CDH26: variants seen among roughly 807,000 people sequenced by gnomAD.
The protein encoded by CDH26 is cadherin-like protein 26.
In CDH26, 83 loss-of-function variants were observed where a neutral mutation model predicts 90.3. That is an observed-to-expected ratio of 0.92 (90% CI 0.77 to 1.10). The LOEUF (loss-of-function observed/expected upper bound fraction) is 1.10. Ranked by LOEUF, CDH26 falls within the 50% of genes least tolerant of loss-of-function variation. The pLI, the probability that CDH26 is intolerant of heterozygous loss-of-function variation, is 0.00. For missense variants in CDH26, 1,013 were observed against 1,037.6 expected (o/e 0.98, Z 0.33); for synonymous variants, 397 against 396.3 (o/e 1.00, Z -0.02).
intron 1 of CDH26, among the ~76,000 whole-genome samples, chr20:59,959,966 G>T (rs900803515): frequency 6.6e-6 from 1 of 152,230 alleles, no homozygotes; most frequent in African/African-American, 2.4e-5. Context: ...TGTAGGTAGG[G>T]AGAGGGAATC....
In CDH26 at chr20:59,994,329, A is replaced by G; in HGVS notation, c.1506A>G (p.Pro502=). 2 of 1,613,768 alleles carry G rather than the reference A, an allele frequency of 1.2e-6. No homozygotes were observed. The highest frequency in any genetic ancestry group is 1.7e-6 in the Non-Finnish European group (2 of 1,179,988). ...DINDNVPTLR[P]RSRYMEVCES... ...ATGACAACGTCCCGACTCTCCGGCCACGTTCCCGCTACATGGAGGTCTGTG... is the reference window on the plus strand; with the variant it reads ...ATGACAACGTCCCGACTCTCCGGCCGCGTTCCCGCTACATGGAGGTCTGTG... Residue 502 remains proline, a synonymous_variant, in exon 11 of 18, where the codon CCA becomes CCG. Transcript: ENST00000348616.
intron 2 of CDH26, among the ~76,000 whole-genome samples, chr20:59,969,872 G>A (rs571895829): frequency 2.0e-5 from 3 of 152,176 alleles, no homozygotes; most frequent in South Asian, 2.1e-4. Context: ...TCAAATCATC[G>A]GACAGCATCC....
rs1169975921 is a variant in CDH26, at chr20:59,972,141, T to C, written c.393+18T>C. 1 of 1,607,788 alleles carries C rather than the reference T, an allele frequency of 6.2e-7. No individual in the cohort carries two copies. Among genetic ancestry groups the C allele is most frequent in the East Asian group, 2.2e-5 (1 of 44,796 alleles). On this transcript the variant is annotated intron_variant, in intron 4 of 17. Transcript: ENST00000348616. ...CTTTCACGGTATCTAAAACTTGATA[T>C]ATTCTAAGCTCGGATTTAAAAGCTC...
chr20:60,013,726 T>C lies in CDH26; in HGVS notation c.*996T>C, dbSNP rs1244215567. The C allele has an allele frequency of 6.6e-6, 1 of 152,200 alleles. No individual in the cohort carries two copies. The highest frequency in any genetic ancestry group is 1.5e-5 in the Non-Finnish European group (1 of 68,032). The allele number at this position is 152,200 out of a possible 1,614,324, so 9.4% of individuals were successfully genotyped here. ...AAATCAGTAGAAACATGTTTGCTGGTGAATCAGTGAAGCATTATGTTAAAC... is the reference window on the plus strand; with the variant it reads ...AAATCAGTAGAAACATGTTTGCTGGCGAATCAGTGAAGCATTATGTTAAAC... On this transcript the variant is annotated 3_prime_UTR_variant, in exon 18 of 18. Transcript: ENST00000348616.
rs934172691 is a variant in CDH26 at position 60,002,748 on chromosome 20, T to C, written c.2167-65T>C. 9 of 1,282,946 alleles carry C rather than the reference T, an allele frequency of 7.0e-6. No homozygotes were observed. In the Middle Eastern group the frequency reaches 8.0e-4, roughly 113 times the overall value. 79.5% of individuals were successfully genotyped at this position (1,282,946 alleles called of 1,614,324 possible). A position where few individuals can be genotyped will look rare whatever the true frequency, so the allele number is the denominator to read the frequency against. ...AAGGCAATATGACTGCAAGAATTTC[T>C]AGTTATGTATTTGCATCCTTTGGTA... On this transcript the variant is annotated intron_variant, in intron 15 of 17. Transcript: ENST00000348616.
At chr20:59,963,287 G>A (rs1321911436) in intron 1 of CDH26, among the ~76,000 whole-genome samples, 1 of 127,954 alleles carries the variant, frequency 7.8e-6, no homozygotes, top group Admixed American at 9.8e-5. Context: ...GTCTCACTCT[G>A]CTGCCCAGGC....
chr20:59,960,012 C>A (rs886620141), intron 1 of CDH26, among the ~76,000 whole-genome samples: 18 of 152,202 alleles, frequency 1.2e-4, no homozygotes, highest in African/African-American at 4.3e-4. Context: ...GGGTGGGAAG[C>A]AGCCCAGTGG....
At chr20:59,985,573 C>T (rs1469760780) in intron 7 of CDH26, among the ~76,000 whole-genome samples, 4 of 152,176 alleles carry the variant, frequency 2.6e-5, no homozygotes, top group East Asian at 1.9e-4. Context: ...ATCTGCCCCA[C>T]GATCCAAACA....
chr20:59,982,363 A>G (rs568818804), intron 4 of CDH26, among the ~76,000 whole-genome samples: 1 of 152,224 alleles, frequency 6.6e-6, no homozygotes, highest in African/African-American at 2.4e-5. Context: ...GGAAGCTTAA[A>G]CAATTGATTT....
At position 59,992,471 on chromosome 20, in the gene CDH26, T is replaced by A. The variant is rs1569044047; in HGVS notation, c.1377T>A (p.Pro459=). The change falls in exon 10 of 18, where the codon CCT becomes CCA. Residue 459 remains proline (P), a synonymous_variant. Transcript: ENST00000348616. The surrounding 1 kb of genome is among the most constrained non-coding windows in gnomAD (Gnocchi z 5.0). ...TGGAGCCAATTGACCGAGAATCCCCTCATGTAAATAACAGTTTTTATGTAA... is the reference window on the plus strand; with the variant it reads ...TGGAGCCAATTGACCGAGAATCCCCACATGTAAATAACAGTTTTTATGTAA... ...ITVEPIDRES[P]HVNNSFYVII... is the part of the protein sequence containing the mutation. The A allele has an allele frequency of 6.2e-7, 1 of 1,614,130 alleles. No individual in the cohort carries two copies. The highest frequency in any genetic ancestry group is 1.7e-5 in the Admixed American group (1 of 60,014).
chr20:59,979,383 G>T (rs1290354191), intron 4 of CDH26, among the ~76,000 whole-genome samples: 1 of 151,662 alleles, frequency 6.6e-6, no homozygotes, highest in East Asian at 1.9e-4. Context: ...TGTTTTAGTA[G>T]AGATAGGGTT....
At chr20:60,019,950 G>A (rs1279500206) in intron 7 of CDH26, among the ~76,000 whole-genome samples, 2 of 152,118 alleles carry the variant, frequency 1.3e-5, no homozygotes, top group African/African-American at 4.8e-5. Context: ...TAGTCTCTAT[G>A]TAGTGTCTTC....
Position 60,012,971 on chromosome 20 carries a change from AC to A in CDH26, c.*242del, listed in dbSNP as rs1384302102. On this transcript the variant is annotated 3_prime_UTR_variant, in exon 18 of 18. Transcript: ENST00000348616. Reference sequence around the variant, plus strand: ...TTGATTTGTCATATTTTCTAGAGAAACTTGAATTTAATTGTGTTATTCTTAG... The same window carrying A: ...TTGATTTGTCATATTTTCTAGAGAAATTGAATTTAATTGTGTTATTCTTAG... 7 of 423,972 alleles carry A rather than the reference AC, an allele frequency of 1.7e-5. No individual in the cohort carries two copies. Among genetic ancestry groups the A allele is most frequent in the African/African-American group, 1.4e-4 (7 of 49,190 alleles). The allele number at this position is 423,972 out of a possible 1,614,324, so 26.3% of individuals were successfully genotyped here.
intron 7 of CDH26, among the ~76,000 whole-genome samples, chr20:60,029,925 A>G (rs573899265): frequency 6.6e-6 from 1 of 152,132 alleles, no homozygotes; most frequent in South Asian, 2.1e-4. Flanking sequence ...AAATAAATAA[A>G]TGAATAAATG....
downstream of CDH26, among the ~76,000 whole-genome samples, chr20:60,015,467 A>G (rs1009195340): frequency 2.6e-5 from 4 of 152,136 alleles, no homozygotes; most frequent in African/African-American, 9.7e-5. Flanking sequence ...CCATTTTAAA[A>G]TTGGATTCTT....
intron 15 of CDH26, 39 bp downstream of exon 15, chr20:60,001,450 A>G (rs754443472): frequency 1.2e-6 from 2 of 1,607,990 alleles, no homozygotes; most frequent in Non-Finnish European, 1.7e-6. Context: ...CGGCCATCTC[A>G]CTAGTGACTA....
chr20:59,992,325 T>C lies in CDH26; in HGVS notation c.1284-53T>C. ...TGTTTTTTTATGCAACTTTTTTATC[T>C]TTTAATGTAAGTTTTTAATTTTAAA... On this transcript the variant is annotated intron_variant, in intron 9 of 17. Transcript: ENST00000348616. This position sits in a 1 kb window ranked among gnomAD's most constrained non-coding sequence, Gnocchi z 5.0. 7.1e-6 allele frequency: 11 copies of C among 1,559,656 alleles called. No homozygotes were observed. The highest frequency in any genetic ancestry group is 9.5e-6 in the Non-Finnish European group (11 of 1,152,034).
rs1424195938 is a variant in CDH26, at chr20:60,012,608, G to T, written c.2377G>T (p.Ala793Ser). 4 of 1,613,324 alleles carry T rather than the reference G, an allele frequency of 2.5e-6. No homozygotes were observed. The highest frequency in any genetic ancestry group is 2.2e-5 in the East Asian group (1 of 44,844). ...CAGCGAGGAAGGGGAGTGTGGAGGGGCCCCATCCCTCAGCTCTCTGGCCAG... is the reference window on the plus strand; with the variant it reads ...CAGCGAGGAAGGGGAGTGTGGAGGGTCCCCATCCCTCAGCTCTCTGGCCAG... ...VYSEEGECGG[A>S]PSLSSLASLE... The change falls in exon 18 of 18, where the codon GCC becomes TCC. Residue 793 changes from alanine (A) to serine (S), a missense_variant. Coordinates refer to ENST00000348616, the MANE Select transcript of CDH26 (RefSeq NM_177980.4).
Position 59,987,466 on chromosome 20 carries a change from T to C in CDH26, c.851T>C (p.Ile284Thr). Reference protein sequence around the residue: ...AFTQENYKVQIPEGRASQGVL... With the variant: ...AFTQENYKVQTPEGRASQGVL... ...TGCTTCTTTCAGTATAAGGTTCAGA[T>C]TCCTGAAGGCCGAGCCAGCCAGGGC... Residue 284 changes from isoleucine (I) to threonine (T), a missense_variant, in exon 8 of 18, where the codon ATT becomes ACT. Transcript: ENST00000348616. 1 of 1,611,742 alleles carries C rather than the reference T, an allele frequency of 6.2e-7. No individual in the cohort carries two copies.
Sources: allele counts gnomAD v4.1 joint callset (sites outside exome capture counted in the v4.1 genomes callset), GRCh38; gene constraint gnomAD v4.1.1; non-coding constraint Gnocchi (gnomAD v3.1); transcripts MANE v1.5; gene names NCBI Gene and HGNC (gene_info 2026-07-23, HGNC 2026-07-21).